SPOCK3: variants seen among roughly 807,000 people sequenced by gnomAD.
SPOCK3 encodes the protein SPARC (osteonectin), cwcv and kazal like domains proteoglycan 3, also known as testican-3.
A neutral mutation model predicts 56.6 loss-of-function variants in SPOCK3; 30 were observed. The observed-to-expected ratio is 0.53, with a 90% CI of 0.40 to 0.72. The LOEUF (loss-of-function observed/expected upper bound fraction) is 0.72, where lower values mean the gene tolerates loss of function less well. Among genes scored for constraint, SPOCK3 ranks in the 30% least tolerant of loss-of-function variants. The pLI, the probability that SPOCK3 is intolerant of heterozygous loss-of-function variation, is 0.00. For synonymous variants in SPOCK3, 196 were observed against 183.3 expected (o/e 1.07, Z -0.56); for missense variants, 527 against 530.0 (o/e 0.99, Z 0.06).
intron 9 of SPOCK3, among the ~76,000 whole-genome samples, chr4:166,740,030 T>C (rs1734670092): frequency 6.6e-6 from 1 of 152,170 alleles, no homozygotes; most frequent in South Asian, 2.1e-4. Flanking sequence ...CCATTTGAAT[T>C]TGACATAAAC....
intron 2 of SPOCK3, among the ~76,000 whole-genome samples, chr4:167,084,117 C>T (rs1757969976): frequency 6.6e-6 from 1 of 151,940 alleles, no homozygotes; most frequent in Admixed American, 6.6e-5. Flanking sequence ...ATATGTGTTG[C>T]TAACATACAT....
chr4:167,147,285 C>T (rs1431454661), intron 2 of SPOCK3, among the ~76,000 whole-genome samples: 1 of 151,990 alleles, frequency 6.6e-6, no homozygotes, highest in Non-Finnish European at 1.5e-5. Context: ...CTGAATAGAC[C>T]AACAAGTTCT....
chr4:166,932,890 T>C (rs1739949803), intron 4 of SPOCK3, among the ~76,000 whole-genome samples: 1 of 152,140 alleles, frequency 6.6e-6, no homozygotes, highest in Non-Finnish European at 1.5e-5. Context: ...AAAGATTTAT[T>C]GTGTGTCTAG....
intron 2 of SPOCK3, among the ~76,000 whole-genome samples, chr4:167,220,784 T>C (rs997121740): frequency 6.6e-5 from 10 of 152,164 alleles, no homozygotes; most frequent in African/African-American, 2.4e-4. Context: ...AGTAATATGC[T>C]GTTGCCAAAT....
intron 8 of SPOCK3, among the ~76,000 whole-genome samples, chr4:166,749,133 C>T (rs1183713646): frequency 7.3e-6 from 1 of 137,170 alleles, no homozygotes; most frequent in East Asian, 2.0e-4. Context: ...CATCCCATTA[C>T]TGGGTATATA....
intron 7 of SPOCK3, among the ~76,000 whole-genome samples, chr4:166,768,328 G>A (rs893136751): frequency 3.9e-5 from 6 of 152,238 alleles, no homozygotes; most frequent in South Asian, 4.2e-4. Context: ...GGCTGGTACC[G>A]ATTGTTCCTT....
chr4:167,163,228 G>A (rs1341725791), intron 2 of SPOCK3, among the ~76,000 whole-genome samples: 1 of 144,376 alleles, frequency 6.9e-6, no homozygotes, highest in Admixed American at 7.0e-5. Flanking sequence ...TTAAATATGA[G>A]AAAATGTCAC....
intron 7 of SPOCK3, among the ~76,000 whole-genome samples, chr4:166,755,567 G>T (rs1736962022): frequency 6.6e-6 from 1 of 152,022 alleles, no homozygotes; most frequent in African/African-American, 2.4e-5. Flanking sequence ...TATGTATGTT[G>T]CTTATCTAGT....
At chr4:167,050,213 T>A (rs1045145655) in intron 3 of SPOCK3, among the ~76,000 whole-genome samples, 1 of 152,176 alleles carries the variant, frequency 6.6e-6, no homozygotes, top group Non-Finnish European at 1.5e-5. Flanking sequence ...CACTTTGGAC[T>A]GTTTTAATAA....
chr4:166,833,199 A>C (rs1035794774), intron 6 of SPOCK3, among the ~76,000 whole-genome samples: 1 of 152,136 alleles, frequency 6.6e-6, no homozygotes, highest in Non-Finnish European at 1.5e-5. Context: ...TAGTTCAATT[A>C]TATTTTTGTC....
At chr4:166,973,164 GAC>G (rs1209066822) in intron 4 of SPOCK3, among the ~76,000 whole-genome samples, 1 of 152,020 alleles carries the variant, frequency 6.6e-6, no homozygotes, top group African/African-American at 2.4e-5. Context: ...AAAAGCATTT[GAC>G]AGTTTCCCCT....
intron 8 of SPOCK3, among the ~76,000 whole-genome samples, chr4:166,749,350 A>T (rs1251865028): frequency 2.3e-5 from 1 of 44,388 alleles, no homozygotes; most frequent in Non-Finnish European, 5.2e-5. Flanking sequence ...ACATGGATGA[A>T]GCTGGAAACT....
intron 4 of SPOCK3, among the ~76,000 whole-genome samples, chr4:166,949,642 T>G: frequency 6.6e-6 from 1 of 152,208 alleles, no homozygotes. Context: ...ACAGCGGTGT[T>G]TGCAGAACAG....
intron 2 of SPOCK3, among the ~76,000 whole-genome samples, chr4:167,170,049 G>A (rs1455092016): frequency 6.6e-6 from 1 of 152,124 alleles, no homozygotes; most frequent in African/African-American, 2.4e-5. Flanking sequence ...ACATTACACA[G>A]TCTCAAGTAT....
intron 2 of SPOCK3, among the ~76,000 whole-genome samples, chr4:167,107,986 T>C (rs1046800557): frequency 1.6e-4 from 25 of 151,558 alleles, no homozygotes; most frequent in Non-Finnish European, 3.2e-4. Context: ...GATCAAAACA[T>C]GAGAAAAGGT....
chr4:167,108,371 A>AC (rs1760361723), intron 2 of SPOCK3, among the ~76,000 whole-genome samples: 1 of 151,982 alleles, frequency 6.6e-6, no homozygotes, highest in Non-Finnish European at 1.5e-5. Context: ...TTACTGCGTC[A>AC]CTATTCACAA....
chr4:166,785,830 A>G (rs1450802889), intron 7 of SPOCK3, among the ~76,000 whole-genome samples: 1 of 152,172 alleles, frequency 6.6e-6, no homozygotes, highest in Non-Finnish European at 1.5e-5. Flanking sequence ...AGGCTAATTT[A>G]TCACTCTTCT....
intron 6 of SPOCK3, among the ~76,000 whole-genome samples, chr4:166,813,311 A>G (rs1235411326): frequency 6.6e-6 from 1 of 152,006 alleles, no homozygotes; most frequent in East Asian, 1.9e-4. Context: ...CACATAACAC[A>G]TCACAGTCAC....
chr4:167,138,119 T>A (rs1316000358), intron 2 of SPOCK3, among the ~76,000 whole-genome samples: 2 of 151,734 alleles, frequency 1.3e-5, no homozygotes, highest in African/African-American at 4.8e-5. Context: ...TCACTTTTTA[T>A]TGAGTGATGT....
Sources: gnomAD v4.1 joint callset for allele counts (sites outside exome capture counted in the v4.1 genomes callset) on GRCh38, gnomAD v4.1.1 for gene constraint, MANE v1.5 for transcripts, NCBI Gene and HGNC (gene_info 2026-07-23, HGNC 2026-07-21) for gene names.